SDK1: variants seen among roughly 807,000 people sequenced by gnomAD.
SDK1 encodes the protein sidekick cell adhesion molecule 1, also known as protein sidekick-1.
SDK1 carries 157 observed loss-of-function variants against 245.5 expected under a neutral mutation model. The ratio of observed to expected loss-of-function variants is 0.64; its 90% CI spans 0.56 to 0.73. SDK1 has a LOEUF of 0.73. Ranked by LOEUF, SDK1 falls within the 30% of genes least tolerant of loss-of-function variation. The pLI is 0.00. For missense variants in SDK1, 3,583 were observed against 3,002.3 expected, an observed-to-expected ratio of 1.19 and a Z score of -4.52; for synonymous variants, 1,647 against 1,278.5, an observed-to-expected ratio of 1.29 and a Z score of -6.15.
At chr7:3,310,925 C>A (rs765868220) in intron 1 of SDK1, among the ~76,000 whole-genome samples, 1 of 152,182 alleles carries the variant, frequency 6.6e-6, no homozygotes, top group Non-Finnish European at 1.5e-5. Flanking sequence ...GTTGTGAGGG[C>A]TGATTGATAT....
chr7:3,580,729 G>A (rs572878720), intron 1 of SDK1, among the ~76,000 whole-genome samples: 1 of 152,212 alleles, frequency 6.6e-6, no homozygotes, highest in South Asian at 2.1e-4. Flanking sequence ...AGCATTTTGG[G>A]AGACTGAGGC....
At chr7:4,108,351 C>G (rs893334896) in intron 22 of SDK1, among the ~76,000 whole-genome samples, 3 of 152,078 alleles carry the variant, frequency 2.0e-5, no homozygotes, top group African/African-American at 4.8e-5. Context: ...CCACATAACT[C>G]TTGTTTTCTG....
rs573368134 is a variant in SDK1 at position 3,959,688 on chromosome 7, G to A, written c.1234+674G>A. ...GCAGTCTTTGTCTTTCTGTGTCTGAGTTCTCTCACATAACTCAGTGGCCTC... is the reference window on the plus strand; with the variant it reads ...GCAGTCTTTGTCTTTCTGTGTCTGAATTCTCTCACATAACTCAGTGGCCTC... On this transcript the variant is annotated intron_variant, in intron 8 of 44. Transcript: ENST00000404826. 1.1e-3 allele frequency among the ~76,000 whole-genome samples: 161 copies of A among 152,286 alleles called. 3 individuals are homozygous for A. The highest frequency in any genetic ancestry group is 3.7e-3 in the African/African-American group (155 of 41,554).
intron 4 of SDK1, among the ~76,000 whole-genome samples, chr7:3,681,145 A>G (rs1784086558): frequency 6.6e-6 from 1 of 151,990 alleles, no homozygotes; most frequent in Non-Finnish European, 1.5e-5. Context: ...CCCGGCTGCC[A>G]CTTTGTATTT....
intron 4 of SDK1, among the ~76,000 whole-genome samples, chr7:3,648,279 C>A (rs769247630): frequency 3.0e-4 from 45 of 152,322 alleles, no homozygotes; most frequent in Non-Finnish European, 5.4e-4. Flanking sequence ...GATTAGAACA[C>A]AAAATCTTAA....
chr7:3,802,316 A>G (rs1779127257), intron 4 of SDK1, among the ~76,000 whole-genome samples: 2 of 152,064 alleles, frequency 1.3e-5, no homozygotes, highest in South Asian at 4.1e-4. Context: ...TTGAGCCTGG[A>G]AGTTCAAGAC....
chr7:3,313,897 G>A (rs894012434), intron 1 of SDK1, among the ~76,000 whole-genome samples: 6 of 152,046 alleles, frequency 3.9e-5, no homozygotes, highest in African/African-American at 7.2e-5. Flanking sequence ...AAAACATGTC[G>A]TACACAATAA....
intron 23 of SDK1, among the ~76,000 whole-genome samples, chr7:4,112,101 A>G (rs529010573): frequency 6.6e-6 from 1 of 152,328 alleles, no homozygotes; most frequent in South Asian, 2.1e-4. Context: ...CATGTGCCCA[A>G]GGTGGTCAGG....
At chr7:3,839,807 C>T (rs1303945073) in intron 5 of SDK1, among the ~76,000 whole-genome samples, 1 of 152,016 alleles carries the variant, frequency 6.6e-6, no homozygotes, top group East Asian at 1.9e-4. Flanking sequence ...GATAATCAAA[C>T]CAGTTTTTTT....
At position 4,196,374 on chromosome 7, in the gene SDK1, C is replaced by G. The variant is rs528530742; in HGVS notation, c.5099-9505C>G. Among the ~76,000 whole-genome samples, 352 of 152,366 alleles carry G rather than the reference C, an allele frequency of 2.3e-3. 2 individuals are homozygous for G. Among genetic ancestry groups the G allele is most frequent in the African/African-American group, 7.6e-3 (317 of 41,598 alleles). ...CCTAGCTACAGCCAAAGCCATCTCT[C>G]TCATGTACAGCTTTGACTGTCTCAC... On this transcript the variant is annotated intron_variant, in intron 35 of 44. Transcript: ENST00000404826.
At chr7:3,525,387 C>T (rs953533520) in intron 1 of SDK1, among the ~76,000 whole-genome samples, 3 of 152,026 alleles carry the variant, frequency 2.0e-5, no homozygotes, top group Admixed American at 6.6e-5. Flanking sequence ...ATCCTCCTTG[C>T]TCCTGGGGTT....
intron 16 of SDK1, among the ~76,000 whole-genome samples, chr7:4,015,221 CA>C (rs1638504263): frequency 6.6e-6 from 1 of 152,192 alleles, no homozygotes. Flanking sequence ...ATTTTCCCAA[CA>C]CCACCCAGCT....
chr7:3,546,913 A>C (rs73296245), intron 1 of SDK1, among the ~76,000 whole-genome samples: 2,190 of 152,310 alleles, frequency 0.014, 42 homozygotes, highest in African/African-American at 0.042. Flanking sequence ...AGGAGGTGCT[A>C]CTGTAAATAT....
chr7:3,577,117 G>T (rs969166207), intron 1 of SDK1, among the ~76,000 whole-genome samples: 1 of 151,792 alleles, frequency 6.6e-6, no homozygotes, highest in African/African-American at 2.4e-5. Context: ...GGAAGATTTC[G>T]CCTGCCTCTG....
At chr7:3,344,745 T>C (rs1003609024) in intron 1 of SDK1, among the ~76,000 whole-genome samples, 2 of 152,198 alleles carry the variant, frequency 1.3e-5, no homozygotes, top group Non-Finnish European at 2.9e-5. Flanking sequence ...TAGTGTATAA[T>C]TTACCTTTTC....
chr7:3,829,521 A>C (rs905805656), intron 5 of SDK1, among the ~76,000 whole-genome samples: 1 of 152,236 alleles, frequency 6.6e-6, no homozygotes, highest in Non-Finnish European at 1.5e-5. Flanking sequence ...TCACAAGAAT[A>C]GTCAATGGGA....
chr7:3,720,665 G>C (rs775390224), intron 4 of SDK1, among the ~76,000 whole-genome samples: 25 of 152,180 alleles, frequency 1.6e-4, no homozygotes, highest in Non-Finnish European at 3.1e-4. Context: ...CTAGAAAATA[G>C]GGAGTTGAGA....
chr7:4,210,130 G>A lies in SDK1; in HGVS notation c.5507G>A (p.Arg1836Gln), dbSNP rs769123993. 31 of 1,604,330 alleles carry A rather than the reference G, an allele frequency of 1.9e-5. No homozygotes were observed. The highest frequency in any genetic ancestry group is 2.5e-5 in the Non-Finnish European group (29 of 1,176,282). ...GCCAACGGCATCCTGCAGGGCTATCGGGTGGTGTACGAGCCCTTGGCCCCT... is the reference window on the plus strand; with the variant it reads ...GCCAACGGCATCCTGCAGGGCTATCAGGTGGTGTACGAGCCCTTGGCCCCT... The part of the protein sequence containing the change: ...AAANGILQGY[R>Q]VVYEPLAPVQ... The change falls in exon 38 of 45, where the codon CGG (arginine) becomes CAG (glutamine). Residue 1836 changes from arginine (R) to glutamine (Q), a missense_variant. Arg to Gln is a conservative substitution (Grantham distance 43). Transcript: ENST00000404826.
intron 4 of SDK1, among the ~76,000 whole-genome samples, chr7:3,668,911 A>G (rs115748255): frequency 0.024 from 3,706 of 152,286 alleles, 160 homozygotes; most frequent in African/African-American, 0.084. Context: ...CAGGTTCAGG[A>G]GAAGGAGCCA....
Sources: gnomAD v4.1 joint callset for allele counts (sites outside exome capture counted in the v4.1 genomes callset) on GRCh38, gnomAD v4.1.1 for gene constraint, MANE v1.5 for transcripts, NCBI Gene and HGNC (gene_info 2026-07-23, HGNC 2026-07-21) for gene names.